The following TXNDC16 variants were observed in gnomAD, a reference collection of about 807,000 sequenced individuals.
TXNDC16 encodes thioredoxin domain containing 16.
In TXNDC16, 74 loss-of-function variants were observed where a neutral mutation model predicts 85.6. The observed-to-expected ratio is 0.86, with a 90% CI of 0.72 to 1.05. TXNDC16 has a LOEUF of 1.05. Among genes scored for constraint, TXNDC16 ranks in the 50% least tolerant of loss-of-function variants. TXNDC16 has a pLI of 0.00. For missense variants in TXNDC16, 959 were observed against 947.0 expected (o/e 1.01, Z -0.17); for synonymous variants, 335 against 326.5 (o/e 1.03, Z -0.28).
In TXNDC16 at chr14:52,455,811, T is replaced by C. The variant is rs1186974948; in HGVS notation, c.1704-349A>G. ...CTCACCACAATGCTGAGTAAGAAAATGGGCATTTATGAGAAACCTACTATC... is the reference window on the plus strand; with the variant it reads ...CTCACCACAATGCTGAGTAAGAAAACGGGCATTTATGAGAAACCTACTATC... On this transcript the variant is annotated intron_variant, in intron 17 of 20. Transcript: ENST00000281741. Among the ~76,000 whole-genome samples, 5 of 152,122 alleles carry C rather than the reference T, an allele frequency of 3.3e-5. No individual in the cohort carries two copies. The South Asian group carries it at 8.3e-4, about 25-fold the overall frequency.
At chr14:52,447,988 C>T (rs1420090310) in intron 18 of TXNDC16, among the ~76,000 whole-genome samples, 18 of 148,836 alleles carry the variant, frequency 1.2e-4, no homozygotes, top group Non-Finnish European at 5.9e-5. Context: ...TATTCATAAA[C>T]AGTCAGAGGA....
chr14:52,539,102 T>C (rs1194893705), intron 4 of TXNDC16, among the ~76,000 whole-genome samples: 1 of 152,162 alleles, frequency 6.6e-6, no homozygotes, highest in African/African-American at 2.4e-5. Context: ...AAGTTCCAAA[T>C]AAAAATATTT....
chr14:52,515,669 ATGTGTGTGTG>A (rs57407287), intron 7 of TXNDC16, among the ~76,000 whole-genome samples: 14,256 of 144,204 alleles, frequency 0.099, 788 homozygotes, highest in East Asian at 0.16. Context: ...TTTCATACAT[ATGTGTGTGTG>A]TGTGTGTGTG....
chr14:52,547,662 A>AAACAGGAATACTTACAGTTATCTCTCCC (rs2037966980), intron 1 of TXNDC16, among the ~76,000 whole-genome samples: 1 of 152,158 alleles, frequency 6.6e-6, no homozygotes, highest in Non-Finnish European at 1.5e-5. Flanking sequence ...TCCTCTCTCC[A>AAACAGGAATACTTACAGTTATCTCTCCC]AACAGGAATA....
intron 18 of TXNDC16, among the ~76,000 whole-genome samples, chr14:52,452,398 A>C (rs2140112338): frequency 6.6e-6 from 1 of 152,310 alleles, no homozygotes; most frequent in African/African-American, 2.4e-5. Flanking sequence ...AAAAAGAACA[A>C]AACTGGAGGA....
At chr14:52,521,919 G>A (rs1240107140) in intron 6 of TXNDC16, among the ~76,000 whole-genome samples, 1 of 152,146 alleles carries the variant, frequency 6.6e-6, no homozygotes, top group African/African-American at 2.4e-5. Context: ...CAGAGCTTCT[G>A]ACACCAAGGC....
intron 15 of TXNDC16, 150 bp from the exon 16 acceptor site, chr14:52,470,323 CAG>C (rs2035876773): frequency 1.1e-5 from 10 of 914,360 alleles, no homozygotes; most frequent in South Asian, 2.4e-5. Context: ...TAAAGAAAAT[CAG>C]ACTCATTAAA....
At chr14:52,542,479 G>A in intron 3 of TXNDC16, 26 bp from the exon 4 acceptor site, 2 of 1,522,398 alleles carry the variant, frequency 1.3e-6, no homozygotes, top group Non-Finnish European at 1.8e-6. Context: ...TTTCATGAAT[G>A]TTTATGAATT....
At chr14:52,432,722 G>A in intron 20 of TXNDC16, 135 bp from the exon 21 acceptor site, 1 of 876,662 alleles carries the variant, frequency 1.1e-6, no homozygotes, top group Non-Finnish European at 1.6e-6. Context: ...TCTAAGCAAA[G>A]CTAGGAATTT....
At chr14:52,456,544 C>T (rs2035538075) in intron 17 of TXNDC16, among the ~76,000 whole-genome samples, 1 of 152,120 alleles carries the variant, frequency 6.6e-6, no homozygotes, top group Non-Finnish European at 1.5e-5. Context: ...TTAGTAAGTA[C>T]ACCTATACCT....
chr14:52,435,356 G>C (rs1324889565), intron 20 of TXNDC16, among the ~76,000 whole-genome samples: 4 of 150,388 alleles, frequency 2.7e-5, no homozygotes, highest in African/African-American at 9.8e-5. Context: ...TGTCACTGCA[G>C]CTACAACATG....
At chr14:52,432,651 A>C in intron 20 of TXNDC16, 64 bp from the exon 21 acceptor site, 1 of 1,361,614 alleles carries the variant, frequency 7.3e-7, no homozygotes, top group Non-Finnish European at 9.8e-7. Flanking sequence ...TCAACATATT[A>C]GAAAATGTTT....
chr14:52,548,949 C>T (rs1193865800), intron 1 of TXNDC16, among the ~76,000 whole-genome samples: 1 of 152,068 alleles, frequency 6.6e-6, no homozygotes, highest in Non-Finnish European at 1.5e-5. Flanking sequence ...ACAGTATAAC[C>T]CAGTCTAGCA....
At chr14:52,482,578 C>T (rs1479019199) in intron 13 of TXNDC16, among the ~76,000 whole-genome samples, 2 of 152,048 alleles carry the variant, frequency 1.3e-5, no homozygotes, top group East Asian at 3.8e-4. Flanking sequence ...AAATCATTAG[C>T]GTGAGTCACA....
At chr14:52,469,068 C>A (rs1056210796) in intron 16 of TXNDC16, among the ~76,000 whole-genome samples, 5 of 151,764 alleles carry the variant, frequency 3.3e-5, no homozygotes, top group African/African-American at 9.7e-5. Context: ...TAAATAAGGC[C>A]AGGTGTGGTG....
At chr14:52,468,536 T>G (rs1438508233) in intron 16 of TXNDC16, among the ~76,000 whole-genome samples, 1 of 152,132 alleles carries the variant, frequency 6.6e-6, no homozygotes, top group Non-Finnish European at 1.5e-5. Flanking sequence ...ATCCTTAATA[T>G]ACAAAGGTCT....
rs138067137 is a variant in TXNDC16, at chr14:52,441,492, C to T, written c.1843-768G>A. On this transcript the variant is annotated intron_variant, in intron 18 of 20. Coordinates refer to ENST00000281741, the MANE Select transcript of TXNDC16 (RefSeq NM_020784.3). The stretch of plus-strand genomic sequence containing the variant: ...GGTATGGTGGTGCCCGCCTGTAATC[C>T]CAGCTACTCTGGAGGGTGAGGCAAG... Among the ~76,000 whole-genome samples the T allele has an allele frequency of 1.8e-4, 28 of 151,990 alleles. No individual in the cohort carries two copies. In the East Asian group the frequency reaches 5.2e-3, roughly 28 times the overall value.
intron 14 of TXNDC16, among the ~76,000 whole-genome samples, chr14:52,472,431 C>T (rs1316720507): frequency 1.3e-5 from 2 of 152,032 alleles, no homozygotes; most frequent in Non-Finnish European, 2.9e-5. Flanking sequence ...GATCTGACCT[C>T]GTGATCTGCC....
intron 14 of TXNDC16, among the ~76,000 whole-genome samples, chr14:52,481,888 T>C (rs2036159080): frequency 6.6e-6 from 1 of 152,146 alleles, no homozygotes; most frequent in South Asian, 2.1e-4. Context: ...CTGCCAAATT[T>C]TTATTTCCAG....
Sources: gnomAD v4.1 joint callset for allele counts (sites outside exome capture counted in the v4.1 genomes callset) on GRCh38, gnomAD v4.1.1 for gene constraint, MANE v1.5 for transcripts, NCBI Gene and HGNC (gene_info 2026-07-23, HGNC 2026-07-21) for gene names.